Variants in TRAPPC10 observed in about 807,000 individuals in gnomAD.
TRAPPC10 encodes the protein TRAPP 130 kDa subunit.
TRAPPC10 carries 23 observed loss-of-function variants against 125.5 expected under a neutral mutation model. The ratio of observed to expected loss-of-function variants is 0.18; its 90% CI spans 0.13 to 0.26. TRAPPC10 has a LOEUF of 0.26. Ranked by LOEUF, TRAPPC10 falls within the 10% of genes least tolerant of loss-of-function variation. TRAPPC10 has a pLI of 1.00. For synonymous variants in TRAPPC10, 509 were observed against 518.0 expected, an observed-to-expected ratio of 0.98 and a Z score of 0.24; for missense variants, 1,123 against 1,308.4, an observed-to-expected ratio of 0.86 and a Z score of 2.19.
intron 15 of TRAPPC10, among the ~76,000 whole-genome samples, chr21:44,085,578 C>T (rs2038070160): frequency 6.6e-6 from 1 of 152,034 alleles, no homozygotes; most frequent in South Asian, 2.1e-4. Context: ...GGCCTCTAGT[C>T]CTAGCTACAG....
Position 44,012,380 on chromosome 21 carries a change from G to C in TRAPPC10, c.-114G>C, listed in dbSNP as rs1034360210. ...CTGCGGCGCAACCGGCTCCGGAGCTGCCTGGCGCGGCCGGGCGGGCGGCGC... is the reference window on the plus strand; with the variant it reads ...CTGCGGCGCAACCGGCTCCGGAGCTCCCTGGCGCGGCCGGGCGGGCGGCGC... On this transcript the variant is annotated 5_prime_UTR_variant, in exon 1 of 23. Transcript: ENST00000291574. 1.9e-6 allele frequency: 1 copy of C among 520,238 alleles called. No homozygotes were observed. Among genetic ancestry groups the C allele is most frequent in the Non-Finnish European group, 2.5e-6 (1 of 404,488 alleles). The allele number at this position is 520,238 out of a possible 1,614,324, so 32.2% of individuals were successfully genotyped here.
chr21:44,013,711 TCTC>T (rs761590392), intron 1 of TRAPPC10, among the ~76,000 whole-genome samples: 5 of 152,360 alleles, frequency 3.3e-5, no homozygotes, highest in East Asian at 1.9e-4. Flanking sequence ...TTTTGTCTCT[TCTC>T]CTCTCCTCCT....
chr21:44,022,488 T>C (rs1479102401), intron 1 of TRAPPC10, among the ~76,000 whole-genome samples: 1 of 122,510 alleles, frequency 8.2e-6, no homozygotes, highest in African/African-American at 3.5e-5. Flanking sequence ...AAAGACGGGG[T>C]TTGTTAGTAG....
intron 5 of TRAPPC10, among the ~76,000 whole-genome samples, chr21:44,057,916 G>T (rs1230253904): frequency 6.6e-6 from 1 of 152,204 alleles, no homozygotes; most frequent in Non-Finnish European, 1.5e-5. Flanking sequence ...GTTTATGTGC[G>T]TGCACATCCT....
chr21:44,020,928 C>G (rs1475688633), intron 1 of TRAPPC10, among the ~76,000 whole-genome samples: 1 of 152,162 alleles, frequency 6.6e-6, no homozygotes, highest in Non-Finnish European at 1.5e-5. Context: ...TCTGATGACT[C>G]CTGCTTTACC....
At position 44,079,789 on chromosome 21, in the gene TRAPPC10, CTAT is replaced by C. The variant is rs560768431; in HGVS notation, c.1610+91_1610+93del. The C allele has an allele frequency of 1.1e-3, 1,538 of 1,439,756 alleles. 2 individuals carry two copies. Among genetic ancestry groups the C allele is most frequent in the Admixed American group, 1.7e-3 (73 of 43,220 alleles). 89.2% of individuals were successfully genotyped at this position (1,439,756 alleles called of 1,614,324 possible). A position where few individuals can be genotyped will look rare whatever the true frequency, so the allele number is the denominator to read the frequency against. On this transcript the variant is annotated intron_variant, in intron 12 of 22. Transcript: ENST00000291574. ...CCCACAATCAATGTTTCATTCACAC[CTAT>C]TATTAAGGAGAGAAAAGTCCTAACT...
In TRAPPC10 at chr21:44,093,705, C is replaced by T. The variant is rs371961743; in HGVS notation, c.2998-358C>T. Among the ~76,000 whole-genome samples the T allele has an allele frequency of 1.7e-4, 26 of 152,194 alleles. No individual in the cohort carries two copies. The East Asian group carries it at 4.1e-3, about 24-fold the overall frequency. On this transcript the variant is annotated intron_variant, in intron 19 of 22. Coordinates refer to ENST00000291574, the MANE Select transcript of TRAPPC10 (RefSeq NM_003274.5). ...CCCAGGAGGTGGAGGTTGCAGTGAG[C>T]CGAGATCCTATCACTGCACTCCAGC...
Position 44,059,525 on chromosome 21 carries a change from G to A in TRAPPC10, c.790+311G>A, listed in dbSNP as rs562112028. ...TGGTGATGCTTCGATTCTGTCCCTCGTTAGAATCAGAGTGGACGTCCCTTT... is the reference window on the plus strand; with the variant it reads ...TGGTGATGCTTCGATTCTGTCCCTCATTAGAATCAGAGTGGACGTCCCTTT... On this transcript the variant is annotated intron_variant, in intron 6 of 22. Coordinates refer to ENST00000291574, the MANE Select transcript of TRAPPC10 (RefSeq NM_003274.5). This position sits in a 1 kb window ranked among gnomAD's most constrained non-coding sequence, Gnocchi z 4.4. 8.0e-6 allele frequency: 6 copies of A among 748,516 alleles called. No homozygotes were observed. Among genetic ancestry groups the A allele is most frequent in the African/African-American group, 6.8e-5 (4 of 58,528 alleles). 46.4% of individuals were successfully genotyped at this position (748,516 alleles called of 1,614,324 possible). A position where few individuals can be genotyped will look rare whatever the true frequency, so the allele number is the denominator to read the frequency against.
chr21:44,091,993 G>T lies in TRAPPC10; in HGVS notation c.2941G>T (p.Asp981Tyr). Residue 981 changes from aspartate (D) to tyrosine (Y), a missense_variant, in exon 19 of 23, where the codon GAT becomes TAT. Asp to Tyr is a radical substitution (Grantham distance 160). Transcript: ENST00000291574. ...TCAGCTGTCAGATAGTTATCTTGTAGATACCGGTGATAGTACCGACCTGCA... is the reference window on the plus strand; with the variant it reads ...TCAGCTGTCAGATAGTTATCTTGTATATACCGGTGATAGTACCGACCTGCA... ...DFQLSDSYLV[D>Y]TGDSTDLQLV... 3.7e-6 allele frequency: 6 copies of T among 1,614,152 alleles called. No homozygotes were observed. Among genetic ancestry groups the T allele is most frequent in the Non-Finnish European group, 5.1e-6 (6 of 1,180,024 alleles).
intron 4 of TRAPPC10, among the ~76,000 whole-genome samples, chr21:44,055,271 G>A (rs921946567): frequency 1.2e-4 from 18 of 152,014 alleles, no homozygotes; most frequent in African/African-American, 4.1e-4. Flanking sequence ...GTTTCTTACC[G>A]CCTGCCTCAT....
chr21:44,084,235 G>A lies in TRAPPC10; in HGVS notation c.2352G>A (p.Glu784=). ...PIVQYDVYSQ[E]PQLHVEPLAD... Reference sequence around the variant, plus strand: ...TGCAGTACGACGTGTACTCACAGGAGCCCCAGCTGCACGTGGAGCCGCTGG... The same window carrying A: ...TGCAGTACGACGTGTACTCACAGGAACCCCAGCTGCACGTGGAGCCGCTGG... The change falls in exon 15 of 23, where the codon GAG becomes GAA. Residue 784 remains glutamate, a synonymous_variant. Transcript: ENST00000291574. The A allele has an allele frequency of 6.2e-7, 1 of 1,613,904 alleles. No homozygotes were observed. Among genetic ancestry groups the A allele is most frequent in the South Asian group, 1.1e-5 (1 of 91,020 alleles).
chr21:44,089,480 C>T (rs780192187), intron 17 of TRAPPC10: 1 of 461,762 alleles, frequency 2.2e-6, no homozygotes, highest in Non-Finnish European at 4.3e-6. Flanking sequence ...TTGTCAAAAC[C>T]CTGTGCACAT....
chr21:44,018,572 G>A (rs188550346), intron 1 of TRAPPC10, among the ~76,000 whole-genome samples: 166 of 151,992 alleles, frequency 1.1e-3, no homozygotes, highest in African/African-American at 3.7e-3. Context: ...GGTGGCTCGC[G>A]TCTGTAGTCC....
intron 7 of TRAPPC10, among the ~76,000 whole-genome samples, chr21:44,069,554 T>C (rs2036702069): frequency 6.6e-6 from 1 of 152,152 alleles, no homozygotes; most frequent in African/African-American, 2.4e-5. Context: ...GATGGTAGTG[T>C]GCATCACTGG....
intron 3 of TRAPPC10, among the ~76,000 whole-genome samples, chr21:44,038,614 ACTT>A (rs959920402): frequency 2.8e-4 from 43 of 152,070 alleles, no homozygotes; most frequent in Middle Eastern, 3.4e-3. Flanking sequence ...TTCTTGACAC[ACTT>A]CTTCTGTCGT....
At chr21:44,023,184 C>T (rs2032724548) in intron 1 of TRAPPC10, among the ~76,000 whole-genome samples, 1 of 151,746 alleles carries the variant, frequency 6.6e-6, no homozygotes, top group South Asian at 2.1e-4. Flanking sequence ...AGGTGCCCGC[C>T]ACCACGCCGG....
chr21:44,068,472 A>G (rs1043022399), intron 7 of TRAPPC10, among the ~76,000 whole-genome samples: 3 of 152,202 alleles, frequency 2.0e-5, no homozygotes, highest in African/African-American at 7.2e-5. Flanking sequence ...TTCTGTAGCC[A>G]GTAGGGAGCC....
chr21:44,053,512 T>A (rs903759992), intron 4 of TRAPPC10, among the ~76,000 whole-genome samples: 2 of 152,250 alleles, frequency 1.3e-5, no homozygotes, highest in Non-Finnish European at 2.9e-5. Flanking sequence ...TGCTTACTTA[T>A]CGTTATAAAC....
At chr21:44,072,558 G>A (rs962274918) in intron 7 of TRAPPC10, among the ~76,000 whole-genome samples, 1 of 152,154 alleles carries the variant, frequency 6.6e-6, no homozygotes, top group African/African-American at 2.4e-5. Flanking sequence ...CCGCCTCCCG[G>A]GTTCAAATGA....
Sources: gnomAD v4.1 joint callset for allele counts (sites outside exome capture counted in the v4.1 genomes callset) on GRCh38, gnomAD v4.1.1 for gene constraint, Gnocchi (gnomAD v3.1) non-coding constraint, MANE v1.5 for transcripts, NCBI Gene and HGNC (gene_info 2026-07-23, HGNC 2026-07-21) for gene names.